ZNF804B: variants seen among roughly 807,000 people sequenced by gnomAD.
ZNF804B encodes zinc finger 804B.
In ZNF804B, 80 loss-of-function variants were observed where a neutral mutation model predicts 101.4. The ratio of observed to expected loss-of-function variants is 0.79; its 90% CI spans 0.66 to 0.95. ZNF804B has a LOEUF of 0.95. Ranked by LOEUF, ZNF804B falls within the 40% of genes least tolerant of loss-of-function variation. The pLI, the probability that ZNF804B is intolerant of heterozygous loss-of-function variation, is 0.00. For missense variants in ZNF804B, 1,673 were observed against 1,561.9 expected (o/e 1.07, Z -1.20); for synonymous variants, 622 against 558.8 (o/e 1.11, Z -1.59).
At chr7:89,181,325 G>T (rs994035838) in intron 1 of ZNF804B, among the ~76,000 whole-genome samples, 1 of 152,128 alleles carries the variant, frequency 6.6e-6, no homozygotes, top group African/African-American at 2.4e-5. Context: ...GGACCCCAGC[G>T]CACTTTAGCC....
intron 1 of ZNF804B, among the ~76,000 whole-genome samples, chr7:89,140,511 G>A (rs1584010777): frequency 6.6e-6 from 1 of 152,110 alleles, no homozygotes; most frequent in East Asian, 1.9e-4. Flanking sequence ...GTCTATCAAT[G>A]ATCTTAACTA....
At chr7:88,813,213 G>T (rs1030102429) in intron 1 of ZNF804B, among the ~76,000 whole-genome samples, 2 of 151,904 alleles carry the variant, frequency 1.3e-5, no homozygotes, top group Non-Finnish European at 2.9e-5. Context: ...GGATCATGAG[G>T]TCATGAGATC....
intron 2 of ZNF804B, among the ~76,000 whole-genome samples, chr7:89,271,201 GT>G (rs1789888310): frequency 6.6e-6 from 1 of 152,088 alleles, no homozygotes; most frequent in African/African-American, 2.4e-5. Flanking sequence ...CTGGTTGTGG[GT>G]TTGTCATAAA....
At chr7:89,233,311 A>T (rs1455993018) in intron 2 of ZNF804B, among the ~76,000 whole-genome samples, 2 of 152,246 alleles carry the variant, frequency 1.3e-5, no homozygotes, top group African/African-American at 4.8e-5. Context: ...AGTTTCTTAA[A>T]GTAATTCTAT....
intron 1 of ZNF804B, among the ~76,000 whole-genome samples, chr7:88,939,198 G>A (rs1793020982): frequency 6.6e-6 from 1 of 151,910 alleles, no homozygotes; most frequent in African/African-American, 2.4e-5. Flanking sequence ...TTCAAATTCT[G>A]TATATCAAAT....
At chr7:89,245,919 C>A (rs1388272834) in intron 2 of ZNF804B, among the ~76,000 whole-genome samples, 2 of 152,120 alleles carry the variant, frequency 1.3e-5, no homozygotes, top group Non-Finnish European at 2.9e-5. Flanking sequence ...AGAGGGAGAG[C>A]CCTTTGTTTC....
At chr7:89,011,310 G>T (rs755518276) in intron 1 of ZNF804B, among the ~76,000 whole-genome samples, 3 of 152,142 alleles carry the variant, frequency 2.0e-5, no homozygotes, top group Non-Finnish European at 2.9e-5. Context: ...TGAGGTTTGG[G>T]TGGGGACACA....
intron 1 of ZNF804B, among the ~76,000 whole-genome samples, chr7:89,032,168 T>C (rs1444685788): frequency 6.6e-6 from 1 of 152,084 alleles, no homozygotes; most frequent in Non-Finnish European, 1.5e-5. Context: ...TTTCAGAACG[T>C]TGATTTTTTT....
intron 1 of ZNF804B, among the ~76,000 whole-genome samples, chr7:89,188,128 A>G (rs561221711): frequency 3.3e-5 from 5 of 151,662 alleles, no homozygotes; most frequent in African/African-American, 1.2e-4. Context: ...ACAAGTCTAC[A>G]TGTGCCATTC....
intron 1 of ZNF804B, among the ~76,000 whole-genome samples, chr7:88,869,107 A>G (rs891098065): frequency 1.3e-5 from 2 of 152,230 alleles, no homozygotes; most frequent in African/African-American, 4.8e-5. Flanking sequence ...TACAGAGGCA[A>G]GATATTTTTA....
At chr7:88,867,217 A>G (rs893555641) in intron 1 of ZNF804B, among the ~76,000 whole-genome samples, 10 of 152,192 alleles carry the variant, frequency 6.6e-5, no homozygotes, top group African/African-American at 2.4e-4. Context: ...TTTTTTAGGG[A>G]AATTGGCTTA....
chr7:89,316,015 G>A (rs1790721474), intron 2 of ZNF804B, among the ~76,000 whole-genome samples: 1 of 152,154 alleles, frequency 6.6e-6, no homozygotes, highest in South Asian at 2.1e-4. Context: ...GTGTGTGTGT[G>A]TCTGTGTATG....
chr7:88,955,010 T>C (rs981218348), intron 1 of ZNF804B, among the ~76,000 whole-genome samples: 1 of 151,012 alleles, frequency 6.6e-6, no homozygotes, highest in Non-Finnish European at 1.5e-5. Flanking sequence ...GTTATAATCC[T>C]AGCTCTTAGG....
At chr7:89,306,733 A>G (rs574242706) in intron 2 of ZNF804B, among the ~76,000 whole-genome samples, 15 of 151,994 alleles carry the variant, frequency 9.9e-5, no homozygotes, top group Admixed American at 2.6e-4. Flanking sequence ...AATGAAGAAA[A>G]TACAGTTTAT....
At chr7:88,840,034 T>C (rs540397549) in intron 1 of ZNF804B, among the ~76,000 whole-genome samples, 1 of 152,278 alleles carries the variant, frequency 6.6e-6, no homozygotes, top group East Asian at 1.9e-4. Flanking sequence ...GTTAGCCCCT[T>C]CATGGAAGAT....
intron 1 of ZNF804B, among the ~76,000 whole-genome samples, chr7:89,036,017 A>G (rs982271967): frequency 2.4e-4 from 26 of 108,696 alleles, no homozygotes; most frequent in Admixed American, 6.4e-4. Context: ...AATATATAGT[A>G]TATATTAATA....
intron 1 of ZNF804B, among the ~76,000 whole-genome samples, chr7:88,852,253 C>A (rs1402663117): frequency 6.6e-6 from 1 of 152,010 alleles, no homozygotes; most frequent in Non-Finnish European, 1.5e-5. Flanking sequence ...CCCTAGCTTC[C>A]AACTAGTATG....
intron 1 of ZNF804B, chr7:88,794,606 C>T: frequency 6.2e-7 from 1 of 1,613,604 alleles, no homozygotes; most frequent in Non-Finnish European, 8.5e-7. Context: ...CCAATATAAT[C>T]TAAAAGAACT....
chr7:89,264,656 TC>T (rs897039558), intron 2 of ZNF804B, among the ~76,000 whole-genome samples: 3 of 152,176 alleles, frequency 2.0e-5, no homozygotes, highest in African/African-American at 7.2e-5. Flanking sequence ...TCTGCCTTTG[TC>T]CCTCACTTCT....
Sources: gnomAD v4.1 joint callset for allele counts (sites outside exome capture counted in the v4.1 genomes callset) on GRCh38, gnomAD v4.1.1 for gene constraint, MANE v1.5 for transcripts, NCBI Gene and HGNC (gene_info 2026-07-23, HGNC 2026-07-21) for gene names.